NOL4: variants seen among roughly 807,000 people sequenced by gnomAD.
The protein encoded by NOL4 is nucleolar protein 4.
NOL4 carries 17 observed loss-of-function variants against 75.9 expected under a neutral mutation model. The observed-to-expected ratio is 0.22, with a 90% CI of 0.15 to 0.34. The LOEUF (loss-of-function observed/expected upper bound fraction) is 0.34, where lower values mean the gene tolerates loss of function less well. NOL4 is among the 10% of genes least tolerant of loss of function. The pLI is 1.00. For missense variants in NOL4, 614 were observed against 793.5 expected (o/e 0.77, Z 2.72); for synonymous variants, 292 against 289.9 (o/e 1.01, Z -0.07).
At chr18:34,159,890 G>T (rs1327927719) in intron 1 of NOL4, among the ~76,000 whole-genome samples, 3 of 152,130 alleles carry the variant, frequency 2.0e-5, no homozygotes, top group Non-Finnish European at 4.4e-5. Context: ...GCCTCTCAGC[G>T]GGAGAGGGAT....
chr18:33,945,908 A>G (rs2068802540), intron 8 of NOL4, among the ~76,000 whole-genome samples: 1 of 151,776 alleles, frequency 6.6e-6, no homozygotes, highest in Non-Finnish European at 1.5e-5. Flanking sequence ...GTAATTGCAA[A>G]AGGACAAATT....
At chr18:34,123,582 AAT>A (rs1168337260) in intron 2 of NOL4, among the ~76,000 whole-genome samples, 7 of 144,878 alleles carry the variant, frequency 4.8e-5, no homozygotes, top group Admixed American at 6.9e-5. Context: ...TATATATGAG[AAT>A]ATATATAGAG....
intron 5 of NOL4, among the ~76,000 whole-genome samples, chr18:34,034,414 C>A (rs187738802): frequency 6.6e-6 from 1 of 152,180 alleles, no homozygotes; most frequent in South Asian, 2.1e-4. Flanking sequence ...AATGAAAGTG[C>A]AGAGATGGAG....
At chr18:34,142,058 C>T (rs2081192019) in intron 1 of NOL4, among the ~76,000 whole-genome samples, 1 of 152,146 alleles carries the variant, frequency 6.6e-6, no homozygotes, top group South Asian at 2.1e-4. Flanking sequence ...GACATTTTTG[C>T]AGCCAACAGA....
intron 6 of NOL4, among the ~76,000 whole-genome samples, chr18:33,991,556 G>T (rs2072918535): frequency 6.6e-6 from 1 of 151,782 alleles, no homozygotes; most frequent in South Asian, 2.1e-4. Flanking sequence ...TGTGGTGTTG[G>T]TGAGTGCTAT....
intron 9 of NOL4, among the ~76,000 whole-genome samples, chr18:33,918,502 T>G (rs181588975): frequency 6.6e-6 from 1 of 152,302 alleles, no homozygotes; most frequent in South Asian, 2.1e-4. Flanking sequence ...TGCTAAGATC[T>G]AGAAAAGGGA....
intron 5 of NOL4, among the ~76,000 whole-genome samples, chr18:34,034,113 T>A (rs1392641968): frequency 6.6e-6 from 1 of 152,100 alleles, no homozygotes; most frequent in Non-Finnish European, 1.5e-5. Flanking sequence ...TAATACTCAC[T>A]GGTAAAGCAA....
At chr18:34,078,184 G>A (rs1183807960) in intron 5 of NOL4, among the ~76,000 whole-genome samples, 2 of 152,064 alleles carry the variant, frequency 1.3e-5, no homozygotes, top group Non-Finnish European at 2.9e-5. Flanking sequence ...ATAAATACTT[G>A]TATTTATCTT....
At chr18:34,184,563 G>T (rs1182910883) in intron 1 of NOL4, among the ~76,000 whole-genome samples, 1 of 152,068 alleles carries the variant, frequency 6.6e-6, no homozygotes, top group Admixed American at 6.6e-5. Context: ...AAGGGACTGA[G>T]TTCTGTGTTG....
At chr18:33,870,281 A>G (rs981837578) in intron 10 of NOL4, among the ~76,000 whole-genome samples, 3 of 152,056 alleles carry the variant, frequency 2.0e-5, no homozygotes, top group Non-Finnish European at 4.4e-5. Context: ...TCATATGTGG[A>G]ATCCAAAGAA....
chr18:33,955,293 C>T (rs1017414402), intron 8 of NOL4, among the ~76,000 whole-genome samples: 10 of 152,008 alleles, frequency 6.6e-5, no homozygotes, highest in African/African-American at 2.4e-4. Context: ...TAGCTATTCC[C>T]ATGCTTATGA....
At chr18:33,902,824 T>C (rs1354020568) in intron 9 of NOL4, among the ~76,000 whole-genome samples, 1 of 152,132 alleles carries the variant, frequency 6.6e-6, no homozygotes, top group Non-Finnish European at 1.5e-5. Context: ...ATAATCCCTA[T>C]GTTATATTTA....
At chr18:34,059,474 T>C (rs993481690) in intron 5 of NOL4, among the ~76,000 whole-genome samples, 5 of 152,054 alleles carry the variant, frequency 3.3e-5, no homozygotes, top group Non-Finnish European at 5.9e-5. Context: ...CTCAGCATCC[T>C]TTTGCTCTTG....
At chr18:34,175,338 A>G (rs988400428) in intron 1 of NOL4, among the ~76,000 whole-genome samples, 1 of 152,200 alleles carries the variant, frequency 6.6e-6, no homozygotes, top group Admixed American at 6.6e-5. Flanking sequence ...CATGTAAAAA[A>G]CAATTACAGG....
At position 33,968,011 on chromosome 18, in the gene NOL4, G is replaced by A. The variant is rs928041561; in HGVS notation, c.1057-9593C>T. ...TGAGGCAGAAGAATGGCTTGAACCC[G>A]GAAGGCTGAGGTTGCAGTGAGCCGA... On this transcript the variant is annotated intron_variant, in intron 6 of 10. Transcript: ENST00000261592. Among the ~76,000 whole-genome samples, 7 of 152,152 alleles carry A rather than the reference G, an allele frequency of 4.6e-5. No homozygotes were observed. The East Asian group carries it at 5.8e-4, about 13-fold the overall frequency.
intron 10 of NOL4, among the ~76,000 whole-genome samples, chr18:33,857,176 TGGAA>T (rs2062875348): frequency 6.6e-6 from 1 of 152,038 alleles, no homozygotes; most frequent in Non-Finnish European, 1.5e-5. Context: ...AAGTTTAAAC[TGGAA>T]GCTCCTCAAC....
intron 5 of NOL4, among the ~76,000 whole-genome samples, chr18:34,065,303 TC>T (rs964683932): frequency 6.6e-6 from 1 of 151,944 alleles, no homozygotes; most frequent in Non-Finnish European, 1.5e-5. Context: ...ATTAATTTTC[TC>T]TGGAGGTTAA....
chr18:34,092,410 A>G (rs763408610), intron 5 of NOL4, among the ~76,000 whole-genome samples: 12 of 152,164 alleles, frequency 7.9e-5, no homozygotes, highest in Non-Finnish European at 1.3e-4. Flanking sequence ...CAAGGACACC[A>G]GCATCTTTTA....
intron 5 of NOL4, among the ~76,000 whole-genome samples, chr18:34,082,002 G>C (rs2078031120): frequency 1.3e-5 from 2 of 151,948 alleles, no homozygotes; most frequent in African/African-American, 2.4e-5. Flanking sequence ...GAAACAAAGA[G>C]GATACATGCA....
Sources: gnomAD v4.1 joint callset for allele counts (sites outside exome capture counted in the v4.1 genomes callset) on GRCh38, gnomAD v4.1.1 for gene constraint, MANE v1.5 for transcripts, NCBI Gene and HGNC (gene_info 2026-07-23, HGNC 2026-07-21) for gene names.